The following RPS6KC1 variants were observed in gnomAD, a reference collection of about 807,000 sequenced individuals.
The protein encoded by RPS6KC1 is inactive ribosomal protein S6 kinase delta-1.
A neutral mutation model predicts 103.8 loss-of-function variants in RPS6KC1; 54 were observed. The observed-to-expected ratio is 0.52, with a 90% CI of 0.42 to 0.65. The LOEUF is 0.65. Among genes scored for constraint, RPS6KC1 ranks in the 30% least tolerant of loss-of-function variants. The pLI, the probability that RPS6KC1 is intolerant of heterozygous loss-of-function variation, is 0.00. For missense variants in RPS6KC1, 1,151 were observed against 1,253.8 expected, an observed-to-expected ratio of 0.92 and a Z score of 1.24; for synonymous variants, 439 against 438.7, an observed-to-expected ratio of 1.00 and a Z score of -0.01.
At chr1:213,413,225 G>A in the RPS6KC1 span, among the ~76,000 whole-genome samples, 4 of 152,134 alleles carry the variant, frequency 2.6e-5, no homozygotes, top group African/African-American at 9.7e-5. Context: ...GGTAATTGAG[G>A]TATCCATCAC....
chr1:213,120,708 T>A (rs1354610993), intron 5 of RPS6KC1, among the ~76,000 whole-genome samples: 1 of 152,176 alleles, frequency 6.6e-6, no homozygotes. Flanking sequence ...AGGTGGATTG[T>A]CATTTTTCAT....
At chr1:213,211,417 A>G (rs1323417762) in intron 8 of RPS6KC1, among the ~76,000 whole-genome samples, 4 of 152,218 alleles carry the variant, frequency 2.6e-5, no homozygotes, top group African/African-American at 9.6e-5. Context: ...AAGCATTTGG[A>G]TCTGAGAAGA....
At chr1:213,813,005 C>G in the RPS6KC1 span, among the ~76,000 whole-genome samples, 1 of 152,126 alleles carries the variant, frequency 6.6e-6, no homozygotes, top group Non-Finnish European at 1.5e-5. Context: ...GTAATCCCAG[C>G]ACTTTGGGAG....
chr1:213,237,851 T>A (rs1268751318), intron 10 of RPS6KC1, among the ~76,000 whole-genome samples: 1 of 152,092 alleles, frequency 6.6e-6, no homozygotes, highest in Admixed American at 6.6e-5. Context: ...TGTTAAAAAT[T>A]AGACAAATTT....
chr1:213,798,108 G>T, the RPS6KC1 span, among the ~76,000 whole-genome samples: 2 of 152,176 alleles, frequency 1.3e-5, no homozygotes, highest in Admixed American at 1.3e-4. Flanking sequence ...GGGAGACCAG[G>T]CTGCAACTGT....
the RPS6KC1 span, among the ~76,000 whole-genome samples, chr1:213,510,628 G>A: frequency 6.6e-6 from 1 of 152,158 alleles, no homozygotes; most frequent in Non-Finnish European, 1.5e-5. Context: ...GGCTCTGTGA[G>A]TCTAGTTTGA....
intron 12 of RPS6KC1, among the ~76,000 whole-genome samples, chr1:213,247,520 T>C (rs2094472440): frequency 6.6e-6 from 1 of 152,198 alleles, no homozygotes; most frequent in South Asian, 2.1e-4. Flanking sequence ...TAATTAAAAC[T>C]AGGACTCAGA....
chr1:213,859,166 A>G, the RPS6KC1 span, among the ~76,000 whole-genome samples: 1 of 152,334 alleles, frequency 6.6e-6, no homozygotes, highest in African/African-American at 2.4e-5. Context: ...TTTCTAGGTT[A>G]GGTTAAAGTT....
intron 12 of RPS6KC1, among the ~76,000 whole-genome samples, chr1:213,250,332 A>T (rs946674083): frequency 2.0e-5 from 3 of 152,190 alleles, no homozygotes; most frequent in Admixed American, 2.0e-4. Context: ...CGCTAATTAG[A>T]GTAATGTGAT....
Position 213,240,927 on chromosome 1 carries a change from G to A in RPS6KC1, c.1451G>A (p.Ser484Asn). 2 of 1,613,866 alleles carry A rather than the reference G, an allele frequency of 1.2e-6. No homozygotes were observed. Among genetic ancestry groups the A allele is most frequent in the Non-Finnish European group, 1.7e-6 (2 of 1,179,886 alleles). The change falls in exon 11 of 15, where the codon AGC becomes AAC. Residue 484 changes from serine to asparagine, a missense_variant. Ser to Asn is a conservative substitution (Grantham distance 46, BLOSUM62 1). Coordinates refer to ENST00000366960, the MANE Select transcript of RPS6KC1 (RefSeq NM_012424.6). ...CTTACTCCAAGTTCTCAAGATGACA[G>A]CAACCAGGAAGATGATGGCCAAGAT... Reference protein sequence around the residue: ...SSLTPSSQDDSNQEDDGQDSS... With the variant: ...SSLTPSSQDDNNQEDDGQDSS...
the RPS6KC1 span, among the ~76,000 whole-genome samples, chr1:213,670,335 C>T: frequency 2.0e-5 from 3 of 152,184 alleles, no homozygotes; most frequent in South Asian, 4.1e-4. Context: ...AGCCTGTTTT[C>T]GTTGACTGTC....
At chr1:213,816,039 C>A in the RPS6KC1 span, among the ~76,000 whole-genome samples, 1 of 152,196 alleles carries the variant, frequency 6.6e-6, no homozygotes, top group Non-Finnish European at 1.5e-5. Flanking sequence ...GACAGGGAAA[C>A]AGTCGGTTGG....
the RPS6KC1 span, among the ~76,000 whole-genome samples, chr1:213,417,199 A>G: frequency 1.3e-5 from 2 of 152,066 alleles, no homozygotes; most frequent in Non-Finnish European, 2.9e-5. Context: ...AACCGCTTCC[A>G]GAGCTCCTTA....
At chr1:213,788,963 G>C in the RPS6KC1 span, among the ~76,000 whole-genome samples, 11 of 152,132 alleles carry the variant, frequency 7.2e-5, no homozygotes, top group African/African-American at 2.7e-4. Flanking sequence ...AAGCTTTCCA[G>C]AGCAGAGGGG....
the RPS6KC1 span, among the ~76,000 whole-genome samples, chr1:213,292,790 A>G: frequency 2.6e-5 from 4 of 152,250 alleles, no homozygotes; most frequent in Admixed American, 1.3e-4. Context: ...CTCTTAAACT[A>G]TGATCGGGTA....
the RPS6KC1 span, among the ~76,000 whole-genome samples, chr1:213,630,127 G>T: frequency 6.6e-6 from 1 of 152,124 alleles, no homozygotes. Flanking sequence ...TTGAATATTG[G>T]TCTGCCTTGC....
chr1:213,751,992 C>T, the RPS6KC1 span, among the ~76,000 whole-genome samples: 4 of 152,292 alleles, frequency 2.6e-5, no homozygotes, highest in African/African-American at 9.6e-5. Flanking sequence ...CTTCTTAGAA[C>T]AGCAGTTTTA....
the RPS6KC1 span, among the ~76,000 whole-genome samples, chr1:213,605,599 C>A: frequency 6.6e-6 from 1 of 152,196 alleles, no homozygotes; most frequent in African/African-American, 2.4e-5. Context: ...TTACATGTCT[C>A]TTTTGTATTA....
At chr1:213,239,671 A>G (rs994471620) in intron 10 of RPS6KC1, among the ~76,000 whole-genome samples, 3 of 152,174 alleles carry the variant, frequency 2.0e-5, no homozygotes, top group African/African-American at 7.2e-5. Context: ...CTTTATATGA[A>G]TAGAGGGATT....
Sources: allele counts gnomAD v4.1 joint callset (sites outside exome capture counted in the v4.1 genomes callset), GRCh38; gene constraint gnomAD v4.1.1; transcripts MANE v1.5; gene names NCBI Gene and HGNC (gene_info 2026-07-23, HGNC 2026-07-21).